Variants in C1orf159 observed in about 807,000 individuals in gnomAD.
The protein encoded by C1orf159 is uncharacterized protein C1orf159.
A neutral mutation model predicts 25.6 loss-of-function variants in C1orf159; 19 were observed. The ratio of observed to expected loss-of-function variants is 0.74; its 90% CI spans 0.52 to 1.09. C1orf159 has a LOEUF of 1.09. Among genes scored for constraint, C1orf159 ranks in the 50% least tolerant of loss-of-function variants. The probability of loss-of-function intolerance (pLI) is 0.00; values close to 1 mark genes in which losing one functional copy is unlikely to be tolerated. For missense variants in C1orf159, 274 were observed against 290.6 expected (o/e 0.94, Z 0.42); for synonymous variants, 139 against 124.7 (o/e 1.12, Z -0.77).
chr1:1,105,107 C>T (rs1005540003), intron 1 of C1orf159, among the ~76,000 whole-genome samples: 31 of 152,262 alleles, frequency 2.0e-4, no homozygotes, highest in African/African-American at 7.2e-4. Flanking sequence ...GGGTTAGGCC[C>T]AGGCCAGGCC....
At chr1:1,112,998 C>T (rs1646282942) in intron 1 of C1orf159, among the ~76,000 whole-genome samples, 1 of 152,146 alleles carries the variant, frequency 6.6e-6, no homozygotes, top group Non-Finnish European at 1.5e-5. Flanking sequence ...GAGTTCGAGA[C>T]CAGCCTGACC....
At chr1:1,108,074 T>C (rs952286641) in intron 1 of C1orf159, among the ~76,000 whole-genome samples, 1 of 152,070 alleles carries the variant, frequency 6.6e-6, no homozygotes, top group Non-Finnish European at 1.5e-5. Flanking sequence ...ACAGCCACCA[T>C]GTCTCGGCAG....
intron 4 of C1orf159, among the ~76,000 whole-genome samples, chr1:1,088,964 A>G (rs1645881239): frequency 6.6e-6 from 1 of 152,204 alleles, no homozygotes; most frequent in Non-Finnish European, 1.5e-5. Context: ...CTCCTGGCAC[A>G]GGGCTCGGGC....
intron 4 of C1orf159, among the ~76,000 whole-genome samples, chr1:1,088,740 G>A (rs902620015): frequency 2.6e-5 from 4 of 152,132 alleles, no homozygotes; most frequent in African/African-American, 4.8e-5. Context: ...TGGACCACAC[G>A]CCTCGACCCT....
chr1:1,091,305 G>A (rs1477775628), intron 3 of C1orf159, 167 bp downstream of exon 3: 3 of 754,428 alleles, frequency 4.0e-6, no homozygotes, highest in East Asian at 2.7e-5. Context: ...GCTCCCCTCT[G>A]CGAGGCACAG....
At chr1:1,098,697 CG>C (rs1646045118) in intron 1 of C1orf159, among the ~76,000 whole-genome samples, 9 of 152,100 alleles carry the variant, frequency 5.9e-5, no homozygotes, top group Admixed American at 5.9e-4. Flanking sequence ...CGGGTCACTC[CG>C]TCTTTTGGGT....
chr1:1,101,721 T>C (rs534144342), intron 1 of C1orf159, among the ~76,000 whole-genome samples: 4 of 152,288 alleles, frequency 2.6e-5, no homozygotes, highest in African/African-American at 9.6e-5. Context: ...GTGCTGTGTG[T>C]GATCTGTTGT....
intron 1 of C1orf159, among the ~76,000 whole-genome samples, chr1:1,093,870 A>C (rs1200050786): frequency 2.0e-5 from 3 of 152,188 alleles, no homozygotes; most frequent in African/African-American, 7.2e-5. Context: ...GCCGTCTTCC[A>C]CAGTGGCTGT....
In C1orf159 at chr1:1,107,583, CG is replaced by C. The variant is rs566455818; in HGVS notation, c.-136+8476del. Among the ~76,000 whole-genome samples the C allele has an allele frequency of 1.8e-4, 27 of 152,256 alleles. No homozygotes were observed. The South Asian group carries it at 5.4e-3, about 30-fold the overall frequency. On this transcript the variant is annotated intron_variant, in intron 1 of 9. Transcript: ENST00000421241. Reference sequence around the variant, plus strand: ...ATCATTCTGTGTCTAGCTCAGGGATCGTAAACGCACTAATCAGCACCCTGTC... The same window carrying C: ...ATCATTCTGTGTCTAGCTCAGGGATCTAAACGCACTAATCAGCACCCTGTC...
chr1:1,088,299 G>A (rs2100745622), intron 4 of C1orf159, among the ~76,000 whole-genome samples: 1 of 34,196 alleles, frequency 2.9e-5, no homozygotes. Flanking sequence ...ACCCTCCCAC[G>A]CCTCCCCAGG....
At chr1:1,085,842 G>A (rs1195493867) in intron 7 of C1orf159, 36 bp downstream of exon 7, 3 of 1,610,608 alleles carry the variant, frequency 1.9e-6, no homozygotes, top group Non-Finnish European at 1.7e-6. Context: ...CCTGCCCTGT[G>A]CCCTCCCGTG....
chr1:1,096,699 C>A (rs897578156), intron 1 of C1orf159, among the ~76,000 whole-genome samples: 1 of 152,180 alleles, frequency 6.6e-6, no homozygotes, highest in African/African-American at 2.4e-5. Flanking sequence ...GAAATTGCTA[C>A]ATTTACTGGC....
chr1:1,088,473 T>C (rs1450732579), intron 4 of C1orf159, among the ~76,000 whole-genome samples: 1 of 148,506 alleles, frequency 6.7e-6, no homozygotes, highest in African/African-American at 2.5e-5. Context: ...TCCCGACCCT[T>C]GGTCCATCTG....
chr1:1,091,173 C>A (rs1050395184), intron 3 of C1orf159: 10 of 618,354 alleles, frequency 1.6e-5, no homozygotes, highest in Non-Finnish European at 2.9e-6. Context: ...TAGCGATGCG[C>A]GGCACGCTGT....
chr1:1,096,701 T>G (rs1207141926), intron 1 of C1orf159, among the ~76,000 whole-genome samples: 1 of 152,192 alleles, frequency 6.6e-6, no homozygotes, highest in African/African-American at 2.4e-5. Flanking sequence ...AATTGCTACA[T>G]TTACTGGCCT....
rs537557169 is a variant in C1orf159 at position 1,097,238 on chromosome 1, CT to C, written c.-135-5136del. ...TCTTGTGCCTCAGCCTCCTGAGCAG[CT>C]GGGATTACAGGCACCCACCACCATG... On this transcript the variant is annotated intron_variant, in intron 1 of 9. Transcript: ENST00000421241. Among the ~76,000 whole-genome samples, 17 of 152,134 alleles carry C rather than the reference CT, an allele frequency of 1.1e-4. No homozygotes were observed. In the South Asian group the frequency reaches 3.5e-3, roughly 32 times the overall value.
chr1:1,083,918 G>A, intron 9 of C1orf159: 3 of 1,581,966 alleles, frequency 1.9e-6, no homozygotes, highest in East Asian at 2.3e-5. Context: ...TCCTAACCGG[G>A]CTGACTCTTG....
intron 7 of C1orf159, chr1:1,085,326 A>T (rs1334742226): frequency 2.5e-6 from 1 of 396,932 alleles, no homozygotes; most frequent in South Asian, 1.8e-5. Flanking sequence ...CAACGAGGGC[A>T]GGCACCACGG....
rs575791885 is a variant in C1orf159 at position 1,110,868 on chromosome 1, G to A, written c.-136+5192C>T. ...CGTGAGCCGTGGCAGACGCAAAACC[G>A]CCCGCACGTGTGACTCCTAACACTC... On this transcript the variant is annotated intron_variant, in intron 1 of 9. Transcript: ENST00000421241. The surrounding 1 kb of genome is among the most constrained non-coding windows in gnomAD (Gnocchi z 4.8). Among the ~76,000 whole-genome samples the A allele has an allele frequency of 2.8e-4, 42 of 152,324 alleles. 1 individual carries two copies. Among genetic ancestry groups the A allele is most frequent in the African/African-American group, 8.7e-4 (36 of 41,572 alleles).
Sources: allele counts gnomAD v4.1 joint callset (sites outside exome capture counted in the v4.1 genomes callset), GRCh38; gene constraint gnomAD v4.1.1; non-coding constraint Gnocchi (gnomAD v3.1); transcripts MANE v1.5; gene names NCBI Gene and HGNC (gene_info 2026-07-23, HGNC 2026-07-21).